Variants in SSBP2 observed in about 807,000 individuals in gnomAD.
SSBP2 encodes the protein single stranded DNA binding protein 2.
Under a neutral mutation model 61.8 loss-of-function variants are expected in SSBP2, and 17 were observed. The observed-to-expected ratio is 0.28, with a 90% CI of 0.19 to 0.41. The LOEUF (loss-of-function observed/expected upper bound fraction) is 0.41. SSBP2 is among the 10% of genes least tolerant of loss of function. SSBP2 has a pLI of 1.00. For synonymous variants in SSBP2, 139 were observed against 141.3 expected (o/e 0.98, Z 0.12); for missense variants, 310 against 458.7 (o/e 0.68, Z 2.96).
intron 6 of SSBP2, 22 bp from the exon 7 acceptor site, chr5:81,474,584 T>C (rs1301609634): frequency 6.4e-7 from 1 of 1,555,338 alleles, no homozygotes; most frequent in Admixed American, 1.7e-5. Flanking sequence ...TTAAGAAAAA[T>C]AAAGAGCAAT....
intron 5 of SSBP2, among the ~76,000 whole-genome samples, chr5:81,508,235 T>G (rs1261988006): frequency 6.6e-6 from 1 of 152,098 alleles, no homozygotes; most frequent in Non-Finnish European, 1.5e-5. Context: ...TCAATGGCCA[T>G]GTCTACTCTC....
At chr5:81,746,905 T>C (rs1757379606) in intron 1 of SSBP2, among the ~76,000 whole-genome samples, 1 of 151,988 alleles carries the variant, frequency 6.6e-6, no homozygotes, top group African/African-American at 2.4e-5. Flanking sequence ...CAGGTGCCAG[T>C]TACTCTTTCT....
intron 12 of SSBP2, 151 bp from the exon 13 acceptor site, chr5:81,442,874 CA>C (rs1763123263): frequency 2.4e-6 from 1 of 411,556 alleles, no homozygotes; most frequent in African/African-American, 2.1e-5. Flanking sequence ...TAAATACCCA[CA>C]GTCATTTTCT....
intron 4 of SSBP2, among the ~76,000 whole-genome samples, chr5:81,590,286 C>T (rs764611642): frequency 6.6e-6 from 1 of 152,128 alleles, no homozygotes; most frequent in Non-Finnish European, 1.5e-5. Flanking sequence ...ATATGCAACA[C>T]AGTTTAATAG....
At chr5:81,539,750 ATTTT>A (rs768235678) in intron 4 of SSBP2, among the ~76,000 whole-genome samples, 1 of 152,052 alleles carries the variant, frequency 6.6e-6, no homozygotes, top group Non-Finnish European at 1.5e-5. Flanking sequence ...CTTAGCAATA[ATTTT>A]TTTATTATAC....
At chr5:81,424,953 C>G (rs3805727) in intron 16 of SSBP2, among the ~76,000 whole-genome samples, 2 of 152,312 alleles carry the variant, frequency 1.3e-5, no homozygotes, top group East Asian at 3.9e-4. Flanking sequence ...TGCCCTGTTT[C>G]AAAACTATTC....
intron 6 of SSBP2, among the ~76,000 whole-genome samples, chr5:81,477,616 C>A (rs1765678166): frequency 6.6e-6 from 1 of 151,954 alleles, no homozygotes; most frequent in Admixed American, 6.6e-5. Context: ...ACCCCCCGCC[C>A]CACCCCCCAC....
At chr5:81,533,943 C>A (rs1306109496) in intron 4 of SSBP2, among the ~76,000 whole-genome samples, 1 of 151,958 alleles carries the variant, frequency 6.6e-6, no homozygotes, top group Non-Finnish European at 1.5e-5. Context: ...TTGCTTCTGG[C>A]AAGGGAAAAG....
rs1282714683 is a variant in SSBP2 at position 81,420,526 on chromosome 5, G to A, written c.1064C>T (p.Pro355Leu). Residue 355 changes from proline (P) to leucine (L), a missense_variant, in exon 17 of 17, where the codon CCT becomes CTT. By Grantham distance (98) the Pro-to-Leu change is moderately conservative. Transcript: ENST00000320672. ...GGATCACACGCTCATTGTCATGCTA[G>A]GGGAGTACTAGAAGGAAAGAAGAAT... is the stretch of plus-strand genomic sequence containing the variant. The A allele has an allele frequency of 6.2e-7, 1 of 1,613,600 alleles. No individual in the cohort carries two copies.
chr5:81,748,523 G>C (rs1185613803), intron 1 of SSBP2, among the ~76,000 whole-genome samples: 1 of 151,922 alleles, frequency 6.6e-6, no homozygotes, highest in East Asian at 1.9e-4. Context: ...TATTCTATAA[G>C]ACAGAACCTA....
At chr5:81,492,586 T>G (rs1254505414) in intron 5 of SSBP2, among the ~76,000 whole-genome samples, 1 of 151,460 alleles carries the variant, frequency 6.6e-6, no homozygotes, top group Non-Finnish European at 1.5e-5. Flanking sequence ...GGGGCAACAT[T>G]CTTTTTTTTT....
intron 5 of SSBP2, among the ~76,000 whole-genome samples, chr5:81,509,292 T>TA (rs567741170): frequency 6.6e-6 from 1 of 152,198 alleles, no homozygotes; most frequent in Non-Finnish European, 1.5e-5. Flanking sequence ...TCTTGGGTAT[T>TA]AGAGTTTATG....
At chr5:81,690,672 A>G (rs1433228374) in intron 1 of SSBP2, among the ~76,000 whole-genome samples, 1 of 152,160 alleles carries the variant, frequency 6.6e-6, no homozygotes, top group Non-Finnish European at 1.5e-5. Context: ...CAGATCGTTC[A>G]GACAAAAAAA....
intron 1 of SSBP2, among the ~76,000 whole-genome samples, chr5:81,717,858 C>T (rs952272563): frequency 2.0e-5 from 3 of 152,144 alleles, no homozygotes; most frequent in African/African-American, 7.2e-5. Context: ...ATAAAACCTG[C>T]ACCTAAACAA....
chr5:81,597,404 T>C (rs1743878695), intron 4 of SSBP2, among the ~76,000 whole-genome samples: 2 of 152,210 alleles, frequency 1.3e-5, no homozygotes, highest in South Asian at 4.1e-4. Context: ...TTTTACACTG[T>C]TGGTGGGACT....
At chr5:81,504,144 AAAC>A (rs1172873293) in intron 5 of SSBP2, among the ~76,000 whole-genome samples, 2 of 152,184 alleles carry the variant, frequency 1.3e-5, no homozygotes, top group African/African-American at 4.8e-5. Context: ...ATAAAAGAAA[AAAC>A]AAATCTGTTG....
chr5:81,699,489 G>C (rs1209422947), intron 1 of SSBP2, among the ~76,000 whole-genome samples: 1 of 152,170 alleles, frequency 6.6e-6, no homozygotes, highest in Non-Finnish European at 1.5e-5. Context: ...TCTATCTCAA[G>C]AAACCACTTT....
At chr5:81,429,397 C>T (rs749808766) in intron 15 of SSBP2, among the ~76,000 whole-genome samples, 3 of 152,090 alleles carry the variant, frequency 2.0e-5, no homozygotes, top group Non-Finnish European at 1.5e-5. Flanking sequence ...GTTAGCAGTG[C>T]GTTGCTTCAT....
chr5:81,415,930 G>GAAAAGAAAAAAAT lies in SSBP2; in HGVS notation c.*4573_*4574insATTTTTTTCTTTT, dbSNP rs1761294098. The GAAAAGAAAAAAAT allele has an allele frequency of 3.7e-5, 2 of 54,474 alleles. No homozygotes were observed. Among genetic ancestry groups the GAAAAGAAAAAAAT allele is most frequent in the South Asian group, 5.2e-4 (1 of 1,936 alleles). The allele number at this position is 54,474 out of a possible 1,614,324, so 3.4% of individuals were successfully genotyped here. A position where few individuals can be genotyped will look rare whatever the true frequency, so the allele number is the denominator to read the frequency against. ...CTGACTCAAAAAAAAAAAAAAAAAA[G>GAAAAGAAAAAAAT]AGGAAAACCTGATCAAGCATAGTGG... On this transcript the variant is annotated 3_prime_UTR_variant, in exon 17 of 17. Coordinates refer to ENST00000320672, the MANE Select transcript of SSBP2 (RefSeq NM_012446.5).
Sources: gnomAD v4.1 joint callset for allele counts (sites outside exome capture counted in the v4.1 genomes callset) on GRCh38, gnomAD v4.1.1 for gene constraint, MANE v1.5 for transcripts, NCBI Gene and HGNC (gene_info 2026-07-23, HGNC 2026-07-21) for gene names.